The following IL1RAPL2 variants were observed in gnomAD, a reference collection of about 807,000 sequenced individuals.
IL1RAPL2 encodes the protein X-linked interleukin-1 receptor accessory protein-like 2.
A neutral mutation model predicts 44.1 loss-of-function variants in IL1RAPL2; 3 were observed. The ratio of observed to expected loss-of-function variants is 0.07; its 90% CI spans 0.03 to 0.18. IL1RAPL2 has a LOEUF of 0.18. Ranked by LOEUF, IL1RAPL2 falls within the 10% of genes least tolerant of loss-of-function variation. The pLI is 1.00. For synonymous variants in IL1RAPL2, 181 were observed against 178.8 expected (o/e 1.01, Z -0.10); for missense variants, 391 against 496.4 (o/e 0.79, Z 2.02).
intron 2 of IL1RAPL2, among the ~76,000 whole-genome samples, chrX:105,187,494 A>G (rs1433330910): frequency 2.7e-5 from 3 of 111,962 alleles, no homozygotes; most frequent in Non-Finnish European, 5.6e-5. Flanking sequence ...ACTCTTGCAC[A>G]CTATTGGTGG....
At chrX:105,669,558 G>C (rs2037799448) in intron 6 of IL1RAPL2, among the ~76,000 whole-genome samples, 1 of 111,336 alleles carries the variant, frequency 9.0e-6, no homozygotes. Flanking sequence ...ATTTTGAGAT[G>C]ACCATTTTAC....
chrX:105,307,638 A>G (rs1257342276), intron 5 of IL1RAPL2, among the ~76,000 whole-genome samples: 1 of 60,920 alleles, frequency 1.6e-5, no homozygotes, highest in East Asian at 4.6e-4. Context: ...TATATATTAT[A>G]TATAATATAT....
intron 1 of IL1RAPL2, among the ~76,000 whole-genome samples, chrX:104,635,495 T>A (rs1278358218): frequency 8.9e-6 from 1 of 112,016 alleles, no homozygotes; most frequent in Non-Finnish European, 1.9e-5. Context: ...AGACGTAGAT[T>A]TAATCTTTTC....
intron 6 of IL1RAPL2, among the ~76,000 whole-genome samples, chrX:105,556,732 A>G (rs1372875632): frequency 1.8e-5 from 2 of 112,094 alleles, no homozygotes; most frequent in African/African-American, 6.5e-5. Context: ...AGCATTTTCT[A>G]GGAAAGGTTC....
At chrX:105,737,794 G>C (rs1237408958) in intron 7 of IL1RAPL2, among the ~76,000 whole-genome samples, 6 of 111,532 alleles carry the variant, frequency 5.4e-5, no homozygotes, top group Non-Finnish European at 1.1e-4. Context: ...CAACATCAGG[G>C]AGAAAAACAG....
At chrX:104,570,574 G>A (rs1181072910) in intron 1 of IL1RAPL2, among the ~76,000 whole-genome samples, 1 of 111,585 alleles carries the variant, frequency 9.0e-6, no homozygotes, top group Non-Finnish European at 1.9e-5. Context: ...TGTAACACAT[G>A]GATACATCTG....
intron 1 of IL1RAPL2, among the ~76,000 whole-genome samples, chrX:104,576,635 T>C (rs144856892): frequency 0.022 from 2,448 of 112,168 alleles, 74 homozygotes; most frequent in African/African-American, 0.074. Context: ...CTTCAGAGTC[T>C]AAAATGTACA....
chrX:105,571,253 T>C (rs1385882369), intron 6 of IL1RAPL2, among the ~76,000 whole-genome samples: 2 of 111,486 alleles, frequency 1.8e-5, no homozygotes, highest in African/African-American at 6.5e-5. Flanking sequence ...TGGATATCTA[T>C]TTAATAAAAT....
At chrX:105,339,346 A>C (rs1214132224) in intron 5 of IL1RAPL2, among the ~76,000 whole-genome samples, 2 of 111,137 alleles carry the variant, frequency 1.8e-5, no homozygotes, top group African/African-American at 6.5e-5. Context: ...AAAGTCTCCA[A>C]ATTAATAGCT....
intron 2 of IL1RAPL2, among the ~76,000 whole-genome samples, chrX:104,701,874 A>G (rs973882158): frequency 8.9e-6 from 1 of 112,059 alleles, no homozygotes; most frequent in African/African-American, 3.2e-5. Flanking sequence ...GTAAGTATGC[A>G]GTGTTACATT....
intron 10 of IL1RAPL2, among the ~76,000 whole-genome samples, chrX:105,760,942 G>T (rs1173599765): frequency 9.0e-6 from 1 of 110,809 alleles, no homozygotes; most frequent in African/African-American, 3.3e-5. Flanking sequence ...ACTTTGGGAG[G>T]CCGAGGCAGG....
intron 4 of IL1RAPL2, among the ~76,000 whole-genome samples, chrX:105,261,194 C>T (rs777605964): frequency 2.3e-3 from 261 of 111,739 alleles, no homozygotes; most frequent in South Asian, 3.4e-3. Flanking sequence ...TTCCTGTGGT[C>T]ACACATTCAC....
intron 1 of IL1RAPL2, among the ~76,000 whole-genome samples, chrX:104,597,618 T>A (rs1854778152): frequency 8.9e-6 from 1 of 111,746 alleles, no homozygotes; most frequent in Non-Finnish European, 1.9e-5. Flanking sequence ...AGCTTGAGAC[T>A]TCAGGTAAAT....
chrX:105,403,462 A>G (rs2035620047), intron 5 of IL1RAPL2, among the ~76,000 whole-genome samples: 1 of 111,477 alleles, frequency 9.0e-6, no homozygotes, highest in South Asian at 3.8e-4. Flanking sequence ...TAACATCTTG[A>G]ATCTAGTCTC....
At chrX:105,392,814 T>G (rs1172745722) in intron 5 of IL1RAPL2, among the ~76,000 whole-genome samples, 1 of 112,570 alleles carries the variant, frequency 8.9e-6, no homozygotes, top group Admixed American at 9.4e-5. Context: ...TATGTGTGTT[T>G]TCTCCAGATT....
chrX:105,416,944 T>C (rs748943821), intron 5 of IL1RAPL2, among the ~76,000 whole-genome samples: 5 of 112,414 alleles, frequency 4.4e-5, no homozygotes, highest in Admixed American at 3.8e-4. Flanking sequence ...CGACAGTATT[T>C]TTTCATACTT....
intron 2 of IL1RAPL2, among the ~76,000 whole-genome samples, chrX:104,934,211 T>C (rs1924974695): frequency 1.8e-5 from 2 of 110,207 alleles, no homozygotes; most frequent in Admixed American, 9.8e-5. Context: ...AATTTGTAAA[T>C]ACACTCACAA....
intron 6 of IL1RAPL2, among the ~76,000 whole-genome samples, chrX:105,638,220 G>A (rs757011996): frequency 8.9e-6 from 1 of 111,822 alleles, no homozygotes; most frequent in African/African-American, 3.2e-5. Context: ...GAGACTGGCA[G>A]TACTAGAAGA....
chrX:104,660,586 T>A (rs1228687101), intron 2 of IL1RAPL2, among the ~76,000 whole-genome samples: 2 of 95,176 alleles, frequency 2.1e-5, no homozygotes, highest in Non-Finnish European at 4.1e-5. Context: ...TATATAAATA[T>A]ATATATACAC....
Sources: gnomAD v4.1 joint callset for allele counts (sites outside exome capture counted in the v4.1 genomes callset) on GRCh38, gnomAD v4.1.1 for gene constraint, MANE v1.5 for transcripts, NCBI Gene and HGNC (gene_info 2026-07-23, HGNC 2026-07-21) for gene names.